DOCK3: variants seen among roughly 807,000 people sequenced by gnomAD.
DOCK3 encodes the protein dedicator of cytokinesis 3.
In DOCK3, 60 loss-of-function variants were observed where a neutral mutation model predicts 265.6. That is an observed-to-expected ratio of 0.23 (90% CI 0.18 to 0.28). The LOEUF (loss-of-function observed/expected upper bound fraction) is 0.28. Among genes scored for constraint, DOCK3 ranks in the 10% least tolerant of loss-of-function variants. The pLI is 1.00. For synonymous variants in DOCK3, 881 were observed against 938.0 expected (o/e 0.94, Z 1.11); for missense variants, 1,981 against 2,594.3 (o/e 0.76, Z 5.14).
chr3:51,095,621 A>G (rs376536355), intron 9 of DOCK3, among the ~76,000 whole-genome samples: 1 of 151,900 alleles, frequency 6.6e-6, no homozygotes, highest in East Asian at 1.9e-4. Flanking sequence ...TAACATTTAC[A>G]TTTGATCTTT....
chr3:50,756,149 A>G (rs890933157), intron 1 of DOCK3, among the ~76,000 whole-genome samples: 11 of 152,190 alleles, frequency 7.2e-5, no homozygotes, highest in African/African-American at 2.7e-4. Context: ...GTGGCCTGCC[A>G]GCACTTGGGA....
At chr3:51,214,281 T>C in intron 14 of DOCK3, 34 bp downstream of exon 14, 1 of 1,609,664 alleles carries the variant, frequency 6.2e-7, no homozygotes, top group Non-Finnish European at 8.5e-7. Context: ...GGAAGGAAGA[T>C]GGGTTAGGAT....
chr3:50,704,064 T>A (rs2107841529), intron 1 of DOCK3, among the ~76,000 whole-genome samples: 1 of 152,308 alleles, frequency 6.6e-6, no homozygotes, highest in East Asian at 1.9e-4. Flanking sequence ...TGTTGTTTAA[T>A]TTTCATTTAT....
intron 3 of DOCK3, chr3:50,877,479 T>C (rs2047764046): frequency 1.9e-6 from 1 of 520,042 alleles, no homozygotes; most frequent in Admixed American, 1.9e-5. Flanking sequence ...AGAATTTATT[T>C]CATTTGTTCT....
intron 5 of DOCK3, among the ~76,000 whole-genome samples, chr3:51,045,670 T>C (rs1559984044): frequency 6.6e-6 from 1 of 152,196 alleles, no homozygotes; most frequent in Non-Finnish European, 1.5e-5. Context: ...TTTCTCATCT[T>C]TTGCAAAGTT....
intron 1 of DOCK3, among the ~76,000 whole-genome samples, chr3:50,778,198 GCTTT>G (rs1308872232): frequency 6.6e-6 from 1 of 152,002 alleles, no homozygotes; most frequent in Non-Finnish European, 1.5e-5. Flanking sequence ...TTGTGCATAT[GCTTT>G]CTATTTCATT....
At chr3:50,828,155 C>T (rs928311511) in intron 2 of DOCK3, among the ~76,000 whole-genome samples, 6 of 152,024 alleles carry the variant, frequency 3.9e-5, no homozygotes, top group African/African-American at 9.7e-5. Flanking sequence ...CCTCGAACTC[C>T]GGACCTCAAT....
At chr3:50,839,292 A>C (rs1054957071) in intron 2 of DOCK3, among the ~76,000 whole-genome samples, 1 of 152,200 alleles carries the variant, frequency 6.6e-6, no homozygotes, top group Non-Finnish European at 1.5e-5. Flanking sequence ...AAGCTGCTGT[A>C]AACATCAATT....
intron 22 of DOCK3, among the ~76,000 whole-genome samples, chr3:51,247,751 A>G (rs1167554371): frequency 6.6e-6 from 1 of 152,208 alleles, no homozygotes; most frequent in East Asian, 1.9e-4. Context: ...AGGGGCTAAG[A>G]TGCAACGATG....
At chr3:50,696,174 G>A (rs2107777645) in intron 1 of DOCK3, among the ~76,000 whole-genome samples, 1 of 152,210 alleles carries the variant, frequency 6.6e-6, no homozygotes, top group African/African-American at 2.4e-5. Context: ...CTACAGTTCT[G>A]GGTACATGTT....
At chr3:51,163,801 A>G (rs966421346) in intron 12 of DOCK3, among the ~76,000 whole-genome samples, 1 of 152,192 alleles carries the variant, frequency 6.6e-6, no homozygotes, top group Admixed American at 6.5e-5. Context: ...GGATTACAGT[A>G]TATTTTATAT....
At chr3:50,860,855 G>T (rs1034516517) in intron 3 of DOCK3, among the ~76,000 whole-genome samples, 9 of 152,232 alleles carry the variant, frequency 5.9e-5, no homozygotes, top group Admixed American at 5.9e-4. Context: ...CCTGCAGGCC[G>T]TTGCTGCTGA....
intron 35 of DOCK3, among the ~76,000 whole-genome samples, chr3:51,336,640 A>G (rs2084896882): frequency 1.3e-5 from 2 of 152,338 alleles, no homozygotes; most frequent in South Asian, 4.1e-4. Context: ...GGCATCCACC[A>G]TGAAGTAGCC....
At chr3:51,338,501 A>C in intron 36 of DOCK3, 82 bp downstream of exon 36, 1 of 1,478,090 alleles carries the variant, frequency 6.8e-7, no homozygotes, top group Non-Finnish European at 9.2e-7. Flanking sequence ...GCCCTTCTAC[A>C]ATACATGGCT....
intron 5 of DOCK3, among the ~76,000 whole-genome samples, chr3:50,951,799 A>T (rs897686793): frequency 1.3e-5 from 2 of 152,124 alleles, no homozygotes; most frequent in Non-Finnish European, 2.9e-5. Context: ...CTGAAAAAAA[A>T]AATAATACAT....
intron 1 of DOCK3, among the ~76,000 whole-genome samples, chr3:50,746,202 T>C (rs2039430478): frequency 6.7e-6 from 1 of 150,270 alleles, no homozygotes; most frequent in African/African-American, 2.4e-5. Context: ...CTCCGCCTCC[T>C]GGGTTCAAGC....
intron 1 of DOCK3, among the ~76,000 whole-genome samples, chr3:50,750,773 G>A (rs139380831): frequency 3.6e-4 from 55 of 152,252 alleles, no homozygotes; most frequent in African/African-American, 1.3e-3. Context: ...GATTTTCTCC[G>A]CTGTCCATTT....
At chr3:50,803,787 G>A (rs912790536) in intron 2 of DOCK3, among the ~76,000 whole-genome samples, 6 of 146,796 alleles carry the variant, frequency 4.1e-5, no homozygotes, top group South Asian at 2.2e-4. Flanking sequence ...CTGGCTGGGC[G>A]GGGGCTGCCC....
At chr3:51,093,739 T>G (rs60774727) in intron 9 of DOCK3, among the ~76,000 whole-genome samples, 6,982 of 152,288 alleles carry the variant, frequency 0.046, 577 homozygotes, top group African/African-American at 0.16. Flanking sequence ...CATCCTTGTC[T>G]TGTGCCAGTT....
Sources: allele counts gnomAD v4.1 joint callset (sites outside exome capture counted in the v4.1 genomes callset), GRCh38; gene constraint gnomAD v4.1.1; transcripts MANE v1.5; gene names NCBI Gene and HGNC (gene_info 2026-07-23, HGNC 2026-07-21).